GPC6: variants seen among roughly 807,000 people sequenced by gnomAD.
GPC6 encodes glypican-6.
GPC6 carries 14 observed loss-of-function variants against 55.2 expected under a neutral mutation model. That is an observed-to-expected ratio of 0.25 (90% CI 0.17 to 0.40). GPC6 has a LOEUF of 0.40. GPC6 is among the 10% of genes least tolerant of loss of function. The pLI is 1.00. For missense variants in GPC6, 641 were observed against 708.5 expected, an observed-to-expected ratio of 0.90 and a Z score of 1.08; for synonymous variants, 278 against 259.6, an observed-to-expected ratio of 1.07 and a Z score of -0.68.
intron 1 of GPC6, among the ~76,000 whole-genome samples, chr13:93,245,956 A>C (rs181660408): frequency 6.6e-6 from 1 of 152,320 alleles, no homozygotes; most frequent in African/African-American, 2.4e-5. Context: ...GGAAATGGGC[A>C]ATGGCATTTC....
intron 1 of GPC6, among the ~76,000 whole-genome samples, chr13:93,290,251 G>A (rs1878273676): frequency 6.6e-6 from 1 of 152,112 alleles, no homozygotes; most frequent in Admixed American, 6.6e-5. Flanking sequence ...GGCAGTGGCT[G>A]CTGGGTTAAA....
intron 1 of GPC6, among the ~76,000 whole-genome samples, chr13:93,240,576 T>G (rs1876395514): frequency 6.6e-6 from 1 of 152,096 alleles, no homozygotes; most frequent in Admixed American, 6.5e-5. Context: ...ACTTAGATTG[T>G]GCTTATTAAA....
At chr13:93,881,487 A>G (rs1874971891) in intron 3 of GPC6, among the ~76,000 whole-genome samples, 3 of 152,210 alleles carry the variant, frequency 2.0e-5, no homozygotes, top group East Asian at 3.9e-4. Context: ...TGTAGGCCTA[A>G]AAACGTTAGG....
At chr13:93,793,156 C>T (rs546323509) in intron 2 of GPC6, among the ~76,000 whole-genome samples, 1 of 152,264 alleles carries the variant, frequency 6.6e-6, no homozygotes, top group Non-Finnish European at 1.5e-5. Flanking sequence ...CATGTCTTGT[C>T]CCATTGTGGG....
At chr13:93,331,715 A>G (rs1879853853) in intron 1 of GPC6, among the ~76,000 whole-genome samples, 1 of 152,098 alleles carries the variant, frequency 6.6e-6, no homozygotes, top group Non-Finnish European at 1.5e-5. Flanking sequence ...CACCTGGGGT[A>G]AACTCTATCA....
chr13:93,237,119 A>G (rs1339493770), intron 1 of GPC6, among the ~76,000 whole-genome samples: 1 of 152,166 alleles, frequency 6.6e-6, no homozygotes, highest in African/African-American at 2.4e-5. Flanking sequence ...TGGTAGATCT[A>G]CTTTTAGTCC....
chr13:93,902,591 A>G (rs766303999), intron 3 of GPC6, among the ~76,000 whole-genome samples: 7 of 152,150 alleles, frequency 4.6e-5, no homozygotes, highest in Non-Finnish European at 7.4e-5. Context: ...TTGCTGGATC[A>G]TACGGTAATT....
At position 94,398,655 on chromosome 13, in the gene GPC6, T is replaced by A. The variant is rs1335014958; in HGVS notation, c.1465+14T>A. 6.2e-7 allele frequency: 1 copy of A among 1,612,334 alleles called. No individual in the cohort carries two copies. The highest frequency in any genetic ancestry group is 1.3e-5 in the African/African-American group (1 of 74,870). Reference sequence around the variant, plus strand: ...TCCAGGACACAAGTAAGAAAATCCTTCCCAGCACCAGAAATTTTCAAAGTA... The same window carrying A: ...TCCAGGACACAAGTAAGAAAATCCTACCCAGCACCAGAAATTTTCAAAGTA... On this transcript the variant is annotated intron_variant, in intron 8 of 8. Transcript: ENST00000377047.
chr13:94,259,024 C>G (rs1257774630), intron 4 of GPC6, among the ~76,000 whole-genome samples: 1 of 151,890 alleles, frequency 6.6e-6, no homozygotes, highest in Non-Finnish European at 1.5e-5. Flanking sequence ...GAAACCCCTT[C>G]CTCACTGGAA....
intron 3 of GPC6, among the ~76,000 whole-genome samples, chr13:94,012,920 A>G (rs1035507254): frequency 5.3e-5 from 8 of 152,206 alleles, no homozygotes; most frequent in African/African-American, 1.9e-4. Flanking sequence ...AGTAGTATTT[A>G]AGCTGTAATT....
chr13:93,630,266 G>A (rs1879374390), intron 2 of GPC6, among the ~76,000 whole-genome samples: 1 of 152,150 alleles, frequency 6.6e-6, no homozygotes. Flanking sequence ...CTTTCATGGA[G>A]TCAGCGTTAT....
At chr13:94,076,791 C>T (rs948569575) in intron 4 of GPC6, among the ~76,000 whole-genome samples, 1 of 151,616 alleles carries the variant, frequency 6.6e-6, no homozygotes, top group East Asian at 1.9e-4. Context: ...TAATCATATA[C>T]ATGTGGTTTT....
At chr13:94,366,893 G>C (rs999425312) in intron 6 of GPC6, among the ~76,000 whole-genome samples, 22 of 152,338 alleles carry the variant, frequency 1.4e-4, no homozygotes, top group Admixed American at 4.6e-4. Context: ...TTTGAAACCA[G>C]GTAGAGCTTG....
chr13:93,389,393 A>T (rs1024126178), intron 1 of GPC6, among the ~76,000 whole-genome samples: 1 of 151,746 alleles, frequency 6.6e-6, no homozygotes, highest in African/African-American at 2.4e-5. Context: ...AGTCCTAGCT[A>T]CTTGGGAGGC....
intron 1 of GPC6, among the ~76,000 whole-genome samples, chr13:93,325,390 G>A (rs1488687068): frequency 1.3e-5 from 2 of 152,112 alleles, no homozygotes; most frequent in South Asian, 2.1e-4. Context: ...CAGACAATAA[G>A]GATTTAATTT....
At chr13:93,630,830 T>C (rs972655466) in intron 2 of GPC6, among the ~76,000 whole-genome samples, 66 of 152,270 alleles carry the variant, frequency 4.3e-4, no homozygotes, top group African/African-American at 1.6e-3. Flanking sequence ...GGCTGAGTTG[T>C]GTGTTCCCCC....
intron 4 of GPC6, among the ~76,000 whole-genome samples, chr13:94,191,801 A>G (rs1162866624): frequency 1.3e-5 from 2 of 152,144 alleles, no homozygotes; most frequent in African/African-American, 4.8e-5. Flanking sequence ...TTCATCTCCA[A>G]GGGGAACTGG....
chr13:94,082,205 C>T (rs545125568), intron 4 of GPC6, among the ~76,000 whole-genome samples: 5 of 152,230 alleles, frequency 3.3e-5, no homozygotes, highest in African/African-American at 1.2e-4. Context: ...CATATCCTTA[C>T]TCTCCTACAA....
rs1875837579 is a variant in GPC6, at chr13:93,227,543, C to A, written c.87C>A (p.Ser29Arg). The change falls in exon 1 of 9, where the codon AGC becomes AGA. Residue 29 changes from serine (S) to arginine (R), a missense_variant. Coordinates refer to ENST00000377047, the MANE Select transcript of GPC6 (RefSeq NM_005708.5). This position sits in a 1 kb window ranked among gnomAD's most constrained non-coding sequence, Gnocchi z 4.3. The stretch of plus-strand genomic sequence containing the variant: ...CCGGGGCGGATGTGAAGGCTCGGAG[C>A]TGCGGAGAGGTCCGCCAGGCGTACG... Reference protein sequence around the residue: ...LPAGADVKARSCGEVRQAYGA... With the variant: ...LPAGADVKARRCGEVRQAYGA... 6.2e-7 allele frequency: 1 copy of A among 1,613,474 alleles called. No homozygotes were observed. The highest frequency in any genetic ancestry group is 8.5e-7 in the Non-Finnish European group (1 of 1,179,636).
Sources: gnomAD v4.1 joint callset for allele counts (sites outside exome capture counted in the v4.1 genomes callset) on GRCh38, gnomAD v4.1.1 for gene constraint, Gnocchi (gnomAD v3.1) non-coding constraint, MANE v1.5 for transcripts, NCBI Gene and HGNC (gene_info 2026-07-23, HGNC 2026-07-21) for gene names.